Variants in VPS13D observed in about 807,000 individuals in gnomAD.
VPS13D encodes vacuolar protein sorting 13 homolog D.
VPS13D carries 187 observed loss-of-function variants against 461.9 expected under a neutral mutation model. The observed-to-expected ratio is 0.40, with a 90% CI of 0.36 to 0.46. The LOEUF is 0.46. Ranked by LOEUF, VPS13D falls within the 20% of genes least tolerant of loss-of-function variation. The pLI is 0.60. For synonymous variants in VPS13D, 1,951 were observed against 1,986.3 expected (o/e 0.98, Z 0.47); for missense variants, 4,711 against 5,364.9 (o/e 0.88, Z 3.81).
chr1:12,385,307 T>C lies in VPS13D; in HGVS notation c.11418T>C (p.Asp3806=). The C allele has an allele frequency of 1.9e-6, 3 of 1,614,078 alleles. No homozygotes were observed. Among genetic ancestry groups the C allele is most frequent in the Non-Finnish European group, 2.5e-6 (3 of 1,179,928 alleles). ...HRKSSRSYEV[D]ELPVTEQELQ... is the part of the protein sequence containing the mutation. Reference sequence around the variant, plus strand: ...AAAGCAGCCGTTCATATGAAGTGGATGAACTTCCTGTCACCGAACAAGAGC... The same window carrying C: ...AAAGCAGCCGTTCATATGAAGTGGACGAACTTCCTGTCACCGAACAAGAGC... Residue 3806 remains aspartate (D), a synonymous_variant, in exon 59 of 70, where the codon GAT becomes GAC. Transcript: ENST00000620676.
chr1:12,351,366 C>T (rs1643789181), intron 46 of VPS13D, among the ~76,000 whole-genome samples: 1 of 152,200 alleles, frequency 6.6e-6, no homozygotes, highest in Non-Finnish European at 1.5e-5. Flanking sequence ...TCTTGGTTCA[C>T]TGCAACCTCC....
chr1:12,348,760 A>C, intron 44 of VPS13D, 63 bp from the exon 45 acceptor site: 1 of 1,581,186 alleles, frequency 6.3e-7, no homozygotes, highest in Non-Finnish European at 8.7e-7. Context: ...TCTGATCGAT[A>C]TTATTGTATT....
rs1553187933 is a variant in VPS13D, at chr1:12,396,029, A to ATATATATATATATATATATGTATT, written c.11635-4152_11635-4151insTATATATATATATATATATGTATT. ...TATATATATATATATATATATATAT[A>ATATATATATATATATATATGTATT]GTTCTTTAAGATCAATAAAATTAAT... On this transcript the variant is annotated intron_variant, in intron 60 of 69. Transcript: ENST00000620676. 5.1e-4 allele frequency among the ~76,000 whole-genome samples: 61 copies of ATATATATATATATATATATGTATT among 119,802 alleles called. 1 individual carries two copies. Among genetic ancestry groups the ATATATATATATATATATATGTATT allele is most frequent in the Admixed American group, 1.2e-3 (13 of 10,458 alleles). 78.6% of individuals were successfully genotyped at this position (119,802 alleles called of 152,430 possible).
At position 12,354,009 on chromosome 1, in the gene VPS13D, A is replaced by C; in HGVS notation, c.9467A>C (p.Asp3156Ala). Residue 3156 changes from aspartate to alanine, a missense_variant, in exon 47 of 70, where the codon GAT becomes GCT. Coordinates refer to ENST00000620676, the MANE Select transcript of VPS13D (RefSeq NM_015378.4). ...CVAIKKENYP[D>A]YMPSNIFSDS... is the part of the protein sequence containing the mutation. Reference sequence around the variant, plus strand: ...GCTATAAAGAAAGAGAATTATCCAGATTATATGCCCTCAAACATATTTTCT... The same window carrying C: ...GCTATAAAGAAAGAGAATTATCCAGCTTATATGCCCTCAAACATATTTTCT... 1 of 1,614,186 alleles carries C rather than the reference A, an allele frequency of 6.2e-7. No homozygotes were observed. Among genetic ancestry groups the C allele is most frequent in the Non-Finnish European group, 8.5e-7 (1 of 1,180,018 alleles).
At chr1:12,496,411 C>T (rs1400447720) in intron 67 of VPS13D, among the ~76,000 whole-genome samples, 2 of 152,236 alleles carry the variant, frequency 1.3e-5, no homozygotes. Context: ...GGGGTTGTTT[C>T]TGTCCATATT....
At chr1:12,317,729 A>G (rs1323302266) in intron 30 of VPS13D, among the ~76,000 whole-genome samples, 1 of 152,026 alleles carries the variant, frequency 6.6e-6, no homozygotes. Context: ...TGGGCAACAG[A>G]GTGTGACCCT....
intron 22 of VPS13D, among the ~76,000 whole-genome samples, chr1:12,289,817 TC>T (rs1484808506): frequency 2.0e-5 from 3 of 152,042 alleles, no homozygotes; most frequent in Non-Finnish European, 4.4e-5. Flanking sequence ...GTGCCTGTAG[TC>T]CCAGCGACTC....
Position 12,276,589 on chromosome 1 carries a change from C to T in VPS13D, c.3001C>T (p.His1001Tyr). The change falls in exon 19 of 70, where the codon CAT becomes TAT. Residue 1001 changes from histidine (H) to tyrosine (Y), a missense_variant. Physicochemically the swap from His to Tyr is moderately conservative, Grantham distance 83. Transcript: ENST00000620676. This position sits in a 1 kb window ranked among gnomAD's most constrained non-coding sequence, Gnocchi z 4.5. ...PYDAEVSLTV[H>Y]GLLLVDTMQT... ...TGATGCTGAAGTCTCCCTAACTGTT[C>T]ATGGTTTGCTCCTGGTGGATACCAT... The T allele has an allele frequency of 1.2e-6, 2 of 1,614,204 alleles. No individual in the cohort carries two copies. Among genetic ancestry groups the T allele is most frequent in the South Asian group, 1.1e-5 (1 of 91,080 alleles).
In VPS13D at chr1:12,256,373, A is replaced by C; in HGVS notation, c.710A>C (p.Tyr237Ser). ...AGCATGGAGAGTCGCAGCCATCACTACGTCCTGGAGCCTGTGTTTGCATCT... is the reference window on the plus strand; with the variant it reads ...AGCATGGAGAGTCGCAGCCATCACTCCGTCCTGGAGCCTGTGTTTGCATCT... Reference protein sequence around the residue: ...ARSMESRSHHYVLEPVFASAL... With the variant: ...ARSMESRSHHSVLEPVFASAL... Residue 237 changes from tyrosine to serine, a missense_variant, in exon 8 of 70, where the codon TAC becomes TCC. Transcript: ENST00000620676. 6.2e-7 allele frequency: 1 copy of C among 1,614,038 alleles called. No individual in the cohort carries two copies. Among genetic ancestry groups the C allele is most frequent in the East Asian group, 2.2e-5 (1 of 44,888 alleles).
At chr1:12,278,511 G>A (rs996623385) in intron 19 of VPS13D, among the ~76,000 whole-genome samples, 10 of 152,182 alleles carry the variant, frequency 6.6e-5, no homozygotes, top group Non-Finnish European at 1.5e-4. Flanking sequence ...GTGACCTCAG[G>A]TGATCTGCCT....
intron 63 of VPS13D, among the ~76,000 whole-genome samples, chr1:12,409,610 A>G (rs1644697511): frequency 6.6e-6 from 1 of 152,236 alleles, no homozygotes; most frequent in Non-Finnish European, 1.5e-5. Context: ...TACTGGTAAT[A>G]TTAGCATGAA....
intron 65 of VPS13D, among the ~76,000 whole-genome samples, chr1:12,425,344 G>C (rs1415044092): frequency 6.6e-6 from 1 of 152,138 alleles, no homozygotes; most frequent in South Asian, 2.1e-4. Flanking sequence ...GGTCACCTGA[G>C]GTCAGGAATT....
Position 12,321,867 on chromosome 1 carries a change from T to C in VPS13D, c.7607T>C (p.Val2536Ala), listed in dbSNP as rs1643047080. 1 of 1,613,318 alleles carries C rather than the reference T, an allele frequency of 6.2e-7. No individual in the cohort carries two copies. The highest frequency in any genetic ancestry group is 1.7e-5 in the Admixed American group (1 of 59,850). Residue 2536 changes from valine (V) to alanine (A), a missense_variant, in exon 33 of 70, where the codon GTA becomes GCA. Val to Ala is a moderately conservative substitution (Grantham distance 64). Around this residue, in one of 3 missense-constraint regions of VPS13D, gnomAD observed 4,411 missense variants for 4,937.8 expected, o/e 0.89. Transcript: ENST00000620676. ...ACAGCTCTTTCAATTGTGGATCCCG[T>C]ACAAATTCAAATGGAGTTGGTGGGG... ...HDTALSIVDP[V>A]QIQMELVGNS... is the part of the protein sequence containing the mutation.
At chr1:12,301,513 C>T (rs536435420) in intron 25 of VPS13D, among the ~76,000 whole-genome samples, 3 of 152,316 alleles carry the variant, frequency 2.0e-5, no homozygotes, top group African/African-American at 4.8e-5. Flanking sequence ...CGCAGCGTCC[C>T]GAACACAGAA....
intron 1 of VPS13D, among the ~76,000 whole-genome samples, chr1:12,233,500 T>C (rs1309368707): frequency 1.3e-5 from 2 of 152,168 alleles, no homozygotes; most frequent in Non-Finnish European, 2.9e-5. Flanking sequence ...TAAGTCATGA[T>C]AAAAAATGCC....
chr1:12,396,110 A>G (rs1203488137), intron 60 of VPS13D, among the ~76,000 whole-genome samples: 2 of 150,054 alleles, frequency 1.3e-5, no homozygotes, highest in East Asian at 2.0e-4. Context: ...TATTAATATC[A>G]GGAAAGAGAG....
chr1:12,322,428 G>A (rs1643065309), intron 33 of VPS13D, 108 bp from the exon 34 acceptor site: 12 of 1,065,574 alleles, frequency 1.1e-5, no homozygotes. Context: ...ATTTGGTGCA[G>A]TATCTGTTGG....
intron 32 of VPS13D, 122 bp downstream of exon 32, chr1:12,319,752 G>C: frequency 7.0e-7 from 1 of 1,420,924 alleles, no homozygotes. Flanking sequence ...GAAGACCCTT[G>C]CCCTCTTTTC....
chr1:12,310,797 C>CCTTCCTTCCTTCCTTCCT (rs1642716909), intron 27 of VPS13D, among the ~76,000 whole-genome samples: 48 of 114,606 alleles, frequency 4.2e-4, no homozygotes, highest in South Asian at 2.0e-3. Flanking sequence ...CCTTCCTTCC[C>CCTTCCTTCCTTCCTTCCT]TCCCTCCCTC....
Sources: allele counts gnomAD v4.1 joint callset (sites outside exome capture counted in the v4.1 genomes callset), GRCh38; gene constraint gnomAD v4.1.1; regional missense constraint gnomAD v4.1.1; non-coding constraint Gnocchi (gnomAD v3.1); transcripts MANE v1.5; gene names NCBI Gene and HGNC (gene_info 2026-07-23, HGNC 2026-07-21).